The following SLC7A14 variants were observed in gnomAD, a reference collection of about 807,000 sequenced individuals.
SLC7A14 encodes solute carrier family 7 member 14.
Under a neutral mutation model 60.2 loss-of-function variants are expected in SLC7A14, and 37 were observed. The ratio of observed to expected loss-of-function variants is 0.61; its 90% CI spans 0.47 to 0.81. The LOEUF (loss-of-function observed/expected upper bound fraction) is 0.81. Ranked by LOEUF, SLC7A14 falls within the 30% of genes least tolerant of loss-of-function variation. The pLI is 0.00. For missense variants in SLC7A14, 886 were observed against 982.7 expected (o/e 0.90, Z 1.32); for synonymous variants, 399 against 395.8 (o/e 1.01, Z -0.10).
At chr3:170,485,313 G>T (rs556891404) in intron 5 of SLC7A14, among the ~76,000 whole-genome samples, 1 of 152,284 alleles carries the variant, frequency 6.6e-6, no homozygotes, top group Admixed American at 6.5e-5. Context: ...ATGATCAATT[G>T]GTCTGGCTTC....
chr3:170,486,501 G>T, intron 4 of SLC7A14, 133 bp from the exon 5 acceptor site: 1 of 1,100,756 alleles, frequency 9.1e-7, no homozygotes, highest in Non-Finnish European at 1.3e-6. Flanking sequence ...TGGAACTCGT[G>T]CTAAACACGC....
At chr3:170,471,670 T>G (rs1196115091) in intron 7 of SLC7A14, among the ~76,000 whole-genome samples, 1 of 152,184 alleles carries the variant, frequency 6.6e-6, no homozygotes, top group Non-Finnish European at 1.5e-5. Context: ...AGATGGTCAC[T>G]GGGAACGGCA....
Position 170,526,681 on chromosome 3 carries a change from C to T in SLC7A14, c.256G>A (p.Gly86Ser), listed in dbSNP as rs370749503. 1.9e-6 allele frequency: 3 copies of T among 1,614,216 alleles called. No individual in the cohort carries two copies. Among genetic ancestry groups the T allele is most frequent in the African/African-American group, 2.7e-5 (2 of 75,060 alleles). Residue 86 changes from glycine to serine, a missense_variant, in exon 2 of 8, where the codon GGT becomes AGT. Transcript: ENST00000231706. ...GLVAKEMAGPGVIVSFIIAAV... is the reference protein window; with the variant it reads ...GLVAKEMAGPSVIVSFIIAAV... ...GCAATGATGAAGGACACAATGACAC[C>T]AGGTCCTGCCATTTCCTTGGCCACC...
At chr3:170,521,940 G>T (rs867669553) in intron 2 of SLC7A14, among the ~76,000 whole-genome samples, 1 of 151,902 alleles carries the variant, frequency 6.6e-6, no homozygotes, top group South Asian at 2.1e-4. Flanking sequence ...AGAAAAAGGT[G>T]GGGGGTGGGC....
At chr3:170,559,495 A>G (rs574119305) in intron 1 of SLC7A14, among the ~76,000 whole-genome samples, 4 of 152,222 alleles carry the variant, frequency 2.6e-5, no homozygotes, top group Non-Finnish European at 4.4e-5. Flanking sequence ...ATATTTTTAT[A>G]TAAGAGATGC....
At chr3:170,496,252 G>T in intron 4 of SLC7A14, 3 of 946,938 alleles carry the variant, frequency 3.2e-6, no homozygotes, top group Non-Finnish European at 5.2e-6. Flanking sequence ...GCCAACCGCA[G>T]CTGGGCTGAG....
At chr3:170,488,680 A>G (rs915325141) in intron 4 of SLC7A14, among the ~76,000 whole-genome samples, 1 of 152,216 alleles carries the variant, frequency 6.6e-6, no homozygotes, top group Non-Finnish European at 1.5e-5. Flanking sequence ...ATCTCTCATC[A>G]TCTACAAAAA....
chr3:170,563,991 A>G (rs1025750695), intron 1 of SLC7A14, among the ~76,000 whole-genome samples: 1 of 152,192 alleles, frequency 6.6e-6, no homozygotes, highest in Non-Finnish European at 1.5e-5. Context: ...ATTATGTTCT[A>G]GTGATGGATT....
At chr3:170,544,167 C>T (rs1300591460) in intron 1 of SLC7A14, among the ~76,000 whole-genome samples, 1 of 152,112 alleles carries the variant, frequency 6.6e-6, no homozygotes, top group African/African-American at 2.4e-5. Context: ...GGTAGATCCT[C>T]CCTGCCTGTG....
chr3:170,577,054 G>T (rs1435053369), intron 1 of SLC7A14, among the ~76,000 whole-genome samples: 1 of 152,178 alleles, frequency 6.6e-6, no homozygotes, highest in East Asian at 1.9e-4. Flanking sequence ...GTAATTTCTG[G>T]CTGGGAAAGA....
At chr3:170,471,118 T>TGTGA (rs1469794064) in intron 7 of SLC7A14, among the ~76,000 whole-genome samples, 1 of 151,526 alleles carries the variant, frequency 6.6e-6, no homozygotes, top group Non-Finnish European at 1.5e-5. Flanking sequence ...TGTGTGTGTG[T>TGTGA]GTGAGTGATT....
intron 5 of SLC7A14, among the ~76,000 whole-genome samples, chr3:170,484,053 G>T (rs1484567492): frequency 5.3e-5 from 8 of 152,154 alleles, no homozygotes; most frequent in Non-Finnish European, 1.2e-4. Context: ...ATTAACTGTT[G>T]GGACCCAGAT....
chr3:170,521,375 T>C (rs918805228), intron 2 of SLC7A14, among the ~76,000 whole-genome samples: 5 of 152,248 alleles, frequency 3.3e-5, no homozygotes, highest in African/African-American at 1.2e-4. Flanking sequence ...TTCCATTATG[T>C]TGGTGCAAAA....
chr3:170,509,357 C>T (rs886733860), intron 2 of SLC7A14, among the ~76,000 whole-genome samples: 1 of 152,130 alleles, frequency 6.6e-6, no homozygotes. Context: ...CCTGACAGGG[C>T]TCCAATTAAA....
intron 2 of SLC7A14, among the ~76,000 whole-genome samples, chr3:170,506,674 AAC>A (rs1449425867): frequency 6.6e-6 from 1 of 152,190 alleles, no homozygotes; most frequent in Non-Finnish European, 1.5e-5. Context: ...AACTATGCTT[AAC>A]AGAGCACAAC....
intron 7 of SLC7A14, among the ~76,000 whole-genome samples, chr3:170,474,503 C>G (rs1711553968): frequency 6.6e-6 from 1 of 152,218 alleles, no homozygotes; most frequent in African/African-American, 2.4e-5. Flanking sequence ...TCCTGGCCTT[C>G]AGGATTATTC....
chr3:170,483,187 A>G, intron 6 of SLC7A14, 127 bp downstream of exon 6: 1 of 1,111,566 alleles, frequency 9.0e-7, no homozygotes, highest in Non-Finnish European at 1.3e-6. Flanking sequence ...TTCAGGATAC[A>G]TAACAAGGTC....
At chr3:170,498,434 T>C (rs1208007112) in intron 4 of SLC7A14, among the ~76,000 whole-genome samples, 1 of 152,138 alleles carries the variant, frequency 6.6e-6, no homozygotes, top group African/African-American at 2.4e-5. Flanking sequence ...ATTGAATCTA[T>C]TATTATTATT....
At chr3:170,496,587 A>G (rs1712404157) in intron 4 of SLC7A14, 4 of 1,595,578 alleles carry the variant, frequency 2.5e-6, no homozygotes, top group Admixed American at 3.3e-5. Flanking sequence ...GGCCCTGGAC[A>G]TGGAGATCGC....
Sources: allele counts gnomAD v4.1 joint callset (sites outside exome capture counted in the v4.1 genomes callset), GRCh38; gene constraint gnomAD v4.1.1; transcripts MANE v1.5; gene names NCBI Gene and HGNC (gene_info 2026-07-23, HGNC 2026-07-21).